Variants in EYS observed in about 807,000 individuals in gnomAD.
EYS encodes the protein EGF-like photoreceptor maintenance factor, also known as protein eyes shut homolog.
A neutral mutation model predicts 282.1 loss-of-function variants in EYS; 250 were observed. That is an observed-to-expected ratio of 0.89 (90% CI 0.80 to 0.98). EYS has a LOEUF of 0.98. Among genes scored for constraint, EYS ranks in the 50% least tolerant of loss-of-function variants. The pLI, the probability that EYS is intolerant of heterozygous loss-of-function variation, is 0.00. For synonymous variants in EYS, 1,355 were observed against 1,282.9 expected, an observed-to-expected ratio of 1.06 and a Z score of -1.20; for missense variants, 4,016 against 3,709.0, an observed-to-expected ratio of 1.08 and a Z score of -2.15.
At chr6:64,758,916 ATCACT>A (rs1773067025) in intron 22 of EYS, among the ~76,000 whole-genome samples, 1 of 152,140 alleles carries the variant, frequency 6.6e-6, no homozygotes, top group Non-Finnish European at 1.5e-5. Context: ...AGGTCGGCGG[ATCACT>A]AGGTCAGGAG....
chr6:65,058,767 C>G (rs1392996006), intron 12 of EYS, among the ~76,000 whole-genome samples: 3 of 150,414 alleles, frequency 2.0e-5, no homozygotes, highest in African/African-American at 4.9e-5. Flanking sequence ...GCTTAATTTC[C>G]CAACAGTTGA....
At chr6:64,103,593 T>C (rs1319083717) in intron 31 of EYS, among the ~76,000 whole-genome samples, 2 of 151,966 alleles carry the variant, frequency 1.3e-5, no homozygotes. Flanking sequence ...GAAATAGAGC[T>C]AGAAAGAGAG....
rs556085139 is a variant in EYS, at chr6:64,227,227, C to T, written c.6424+3365G>A. Among the ~76,000 whole-genome samples, 4 of 151,986 alleles carry T rather than the reference C, an allele frequency of 2.6e-5. No individual in the cohort carries two copies. The South Asian group carries it at 8.3e-4, about 32-fold the overall frequency. The stretch of plus-strand genomic sequence containing the variant: ...TCAGACACAATTTTTTGGGCTCACC[C>T]AATGTGTTTTTCAGTTTAATTTTAT... On this transcript the variant is annotated intron_variant, in intron 31 of 42. Coordinates refer to ENST00000503581, the MANE Select transcript of EYS (RefSeq NM_001142800.2).
At chr6:64,960,120 G>C (rs1052220246) in intron 14 of EYS, among the ~76,000 whole-genome samples, 11 of 151,854 alleles carry the variant, frequency 7.2e-5, no homozygotes, top group African/African-American at 2.7e-4. Context: ...AGTCTCTAAG[G>C]CTAAGTTTGA....
chr6:63,939,058 T>C (rs777300649), intron 35 of EYS, among the ~76,000 whole-genome samples: 3 of 151,800 alleles, frequency 2.0e-5, no homozygotes, highest in Non-Finnish European at 2.9e-5. Context: ...ATAAGCTCCA[T>C]GAATTGGAAC....
chr6:64,186,280 CA>C (rs1764944313), intron 31 of EYS, among the ~76,000 whole-genome samples: 1 of 150,760 alleles, frequency 6.6e-6, no homozygotes, highest in Non-Finnish European at 1.5e-5. Context: ...CACACACACA[CA>C]CACGGTTCTG....
chr6:64,976,895 T>A (rs1770490440), intron 14 of EYS, among the ~76,000 whole-genome samples: 1 of 151,892 alleles, frequency 6.6e-6, no homozygotes, highest in Non-Finnish European at 1.5e-5. Context: ...TACTATTATT[T>A]TTTATTATTT....
At chr6:64,629,605 AC>A (rs1159134421) in intron 22 of EYS, among the ~76,000 whole-genome samples, 1 of 152,142 alleles carries the variant, frequency 6.6e-6, no homozygotes, top group Non-Finnish European at 1.5e-5. Context: ...TTAGATTTAT[AC>A]CTAAATGCTT....
At chr6:65,067,298 G>T (rs565478270) in intron 12 of EYS, among the ~76,000 whole-genome samples, 9 of 151,818 alleles carry the variant, frequency 5.9e-5, no homozygotes, top group Non-Finnish European at 1.3e-4. Context: ...CTGAATAGCT[G>T]GACATAATTA....
chr6:64,132,697 T>C (rs1774019917), intron 31 of EYS, among the ~76,000 whole-genome samples: 1 of 151,806 alleles, frequency 6.6e-6, no homozygotes, highest in Admixed American at 6.6e-5. Flanking sequence ...CTTAAAATTA[T>C]ATAAATATTT....
chr6:64,406,886 G>T (rs1309375010), intron 28 of EYS, among the ~76,000 whole-genome samples: 1 of 152,218 alleles, frequency 6.6e-6, no homozygotes, highest in Non-Finnish European at 1.5e-5. Flanking sequence ...CATTGTGGAA[G>T]ACAGTGTGGC....
chr6:64,478,518 A>G (rs955316803), intron 26 of EYS, among the ~76,000 whole-genome samples: 2 of 151,462 alleles, frequency 1.3e-5, no homozygotes, highest in Non-Finnish European at 3.0e-5. Flanking sequence ...ATATTAAATG[A>G]TCCATTTGTC....
intron 33 of EYS, among the ~76,000 whole-genome samples, chr6:64,054,805 T>G (rs1359460383): frequency 6.6e-6 from 1 of 152,076 alleles, no homozygotes; most frequent in Non-Finnish European, 1.5e-5. Context: ...AAAGAATAAG[T>G]GAGATAGTGT....
chr6:64,758,794 A>G (rs1351752543), intron 22 of EYS, among the ~76,000 whole-genome samples: 1 of 152,206 alleles, frequency 6.6e-6, no homozygotes, highest in Non-Finnish European at 1.5e-5. Context: ...GGCAAAGAGT[A>G]ATCAATTTGG....
At chr6:64,736,839 G>A (rs1772199501) in intron 22 of EYS, among the ~76,000 whole-genome samples, 1 of 151,844 alleles carries the variant, frequency 6.6e-6, no homozygotes, top group Non-Finnish European at 1.5e-5. Flanking sequence ...CAGAGAATAA[G>A]GTAATCACAC....
chr6:64,994,157 C>A (rs1771170128), intron 14 of EYS, among the ~76,000 whole-genome samples: 1 of 152,048 alleles, frequency 6.6e-6, no homozygotes, highest in Non-Finnish European at 1.5e-5. Context: ...TCTTACTATA[C>A]ACATTCTTAA....
intron 30 of EYS, among the ~76,000 whole-genome samples, chr6:64,295,184 C>T (rs996753741): frequency 2.9e-4 from 44 of 150,644 alleles, no homozygotes; most frequent in Admixed American, 2.9e-3. Flanking sequence ...ACCATCCTGG[C>T]TAACATGGTG....
At chr6:64,841,382 A>G (rs1765558612) in intron 19 of EYS, among the ~76,000 whole-genome samples, 1 of 152,166 alleles carries the variant, frequency 6.6e-6, no homozygotes, top group Non-Finnish European at 1.5e-5. Flanking sequence ...ATGCAAGTGA[A>G]ATTACCATGA....
At chr6:63,939,435 G>A (rs1765168922) in intron 35 of EYS, among the ~76,000 whole-genome samples, 2 of 152,138 alleles carry the variant, frequency 1.3e-5, no homozygotes, top group African/African-American at 4.8e-5. Context: ...TCAAAATTCA[G>A]TTTTGACAAA....
Sources: gnomAD v4.1 joint callset for allele counts (sites outside exome capture counted in the v4.1 genomes callset) on GRCh38, gnomAD v4.1.1 for gene constraint, MANE v1.5 for transcripts, NCBI Gene and HGNC (gene_info 2026-07-23, HGNC 2026-07-21) for gene names.